CRIP3: variants seen among roughly 807,000 people sequenced by gnomAD.
CRIP3 encodes cysteine-rich protein 3.
CRIP3 carries 23 observed loss-of-function variants against 30.3 expected under a neutral mutation model. That is an observed-to-expected ratio of 0.76 (90% confidence interval 0.55 to 1.08). The LOEUF is 1.08. Among genes scored for constraint, CRIP3 ranks in the 50% least tolerant of loss-of-function variants. CRIP3 has a pLI of 0.00. For synonymous variants in CRIP3, 89 were observed against 97.6 expected (o/e 0.91, Z 0.52); for missense variants, 261 against 259.3 (o/e 1.01, Z -0.04).
Position 43,307,841 on chromosome 6 carries a change from CT to C in CRIP3, c.193del (p.Arg65GlyfsTer3), listed in dbSNP as rs767108396. 1.9e-5 allele frequency: 31 copies of C among 1,613,962 alleles called. 1 individual carries two copies. In the East Asian group the frequency reaches 6.9e-4, roughly 36 times the overall value. Reference sequence around the variant, plus strand: ...GGCCCCTTAAGGCTGGTACTTACCCCTGGGTCCAAAGAGAGCCCCATAGCAT... The same window carrying C: ...GGCCCCTTAAGGCTGGTACTTACCCCGGGTCCAAAGAGAGCCCCATAGCAT... ...KPCYGALFGP[R>X]GVNIGGVGSY... On this transcript the variant is annotated frameshift_variant, in exon 3 of 8. Transcript: ENST00000372569. LOFTEE classifies it high-confidence loss of function.
intron 4 of CRIP3, chr6:43,306,759 G>T: frequency 2.1e-6 from 1 of 485,416 alleles, no homozygotes; most frequent in Non-Finnish European, 3.6e-6. Context: ...TCCTCCCAGG[G>T]GCTCACGTAC....
intron 1 of CRIP3, 154 bp from the exon 2 acceptor site, chr6:43,308,563 C>T: frequency 1.1e-6 from 1 of 914,956 alleles, no homozygotes; most frequent in Non-Finnish European, 1.7e-6. Flanking sequence ...GCTCCGGTTT[C>T]ACACTCCCCA....
chr6:43,305,827 A>T lies in CRIP3; in HGVS notation c.602T>A (p.Ile201Lys). Residue 201 changes from isoleucine (I) to lysine (K), a missense_variant, in exon 8 of 8, where the codon ATA becomes AAA. Coordinates refer to ENST00000372569, the MANE Select transcript of CRIP3 (RefSeq NM_206922.3). ...VGCYIYDPVK[I>K]KFK ...TTTGTGAGCGTCTCATTTGAATTTT[A>T]TCTTCACTGGGTCATAGATGTAGCA... 1 of 1,614,038 alleles carries T rather than the reference A, an allele frequency of 6.2e-7. No individual in the cohort carries two copies. The highest frequency in any genetic ancestry group is 1.1e-5 in the South Asian group (1 of 91,080).
Position 43,307,831 on chromosome 6 carries a change from GTA to G in CRIP3, c.196+6_196+7del, listed in dbSNP as rs765636137. The G allele has an allele frequency of 3.4e-5, 55 of 1,613,926 alleles. No homozygotes were observed. The highest frequency in any genetic ancestry group is 4.2e-5 in the Non-Finnish European group (50 of 1,180,006). ...GCTGACCCATGGCCCCTTAAGGCTG[GTA>G]CTTACCCCTGGGTCCAAAGAGAGCC... is the stretch of plus-strand genomic sequence containing the variant. On this transcript the variant is annotated splice_donor_region_variant and intron_variant, in intron 3 of 7. Coordinates refer to ENST00000372569, the MANE Select transcript of CRIP3 (RefSeq NM_206922.3).
In CRIP3 at chr6:43,306,323, G is replaced by A. The variant is rs1388083102; in HGVS notation, c.401-10C>T. The A allele has an allele frequency of 6.2e-7, 1 of 1,613,838 alleles. No homozygotes were observed. The highest frequency in any genetic ancestry group is 8.5e-7 in the Non-Finnish European group (1 of 1,179,792). ...GACATCACCTTCTCAGCTGGTGGTG[G>A]AAAGAAGTGGTAATGCTTCCATTCT... On this transcript the variant is annotated splice_polypyrimidine_tract_variant and intron_variant, in intron 5 of 7. Transcript: ENST00000372569.
At chr6:43,306,007 G>C in intron 7 of CRIP3, 60 bp downstream of exon 7, 1 of 1,605,636 alleles carries the variant, frequency 6.2e-7, no homozygotes, top group Non-Finnish European at 8.5e-7. Flanking sequence ...CACAGACCAT[G>C]TACATGCCAT....
rs760104744 is a variant in CRIP3, at chr6:43,307,892, T to C, written c.143A>G (p.Asn48Ser). 5.0e-6 allele frequency: 8 copies of C among 1,613,470 alleles called. No homozygotes were observed. The African/African-American group carries it at 8.0e-5, about 16-fold the overall frequency. ...TGGCTTGTGGCAGTATGGCCTCCCA[T>C]TGTGCTGGGCACAAGCAGAGGGAAG... ...ILSPGGHAEH[N>S]GRPYCHKPCY... The change falls in exon 3 of 8, where the codon AAT becomes AGT. Residue 48 changes from asparagine to serine, a missense_variant. Transcript: ENST00000372569.
Position 43,305,638 on chromosome 6 carries a change from G to T in CRIP3, c.*176C>A. The stretch of plus-strand genomic sequence containing the variant: ...TCCCTAACCAGATAGAAATGGGAAA[G>T]GGAAAAAATTGGCAGAGAAAGTCTA... On this transcript the variant is annotated 3_prime_UTR_variant, in exon 8 of 8. Coordinates refer to ENST00000372569, the MANE Select transcript of CRIP3 (RefSeq NM_206922.3). 1 of 773,558 alleles carries T rather than the reference G, an allele frequency of 1.3e-6. No individual in the cohort carries two copies. The highest frequency in any genetic ancestry group is 2.7e-5 in the East Asian group (1 of 37,686). 47.9% of individuals were successfully genotyped at this position (773,558 alleles called of 1,614,324 possible). A position where few individuals can be genotyped will look rare whatever the true frequency, so the allele number is the denominator to read the frequency against.
At chr6:43,306,690 C>T (rs780806211) in intron 4 of CRIP3, 173 bp from the exon 5 acceptor site, 9 of 604,210 alleles carry the variant, frequency 1.5e-5, no homozygotes, top group Non-Finnish European at 2.1e-5. Context: ...GACTCCACCT[C>T]CTGCCCCATC....
chr6:43,306,056 G>T lies in CRIP3; in HGVS notation c.553+11C>A. ...ACATGCCATCCCAGTGTCTGGGATGGGGCTGCCCACCTTTGGGGCCAAACA... is the reference window on the plus strand; with the variant it reads ...ACATGCCATCCCAGTGTCTGGGATGTGGCTGCCCACCTTTGGGGCCAAACA... On this transcript the variant is annotated intron_variant, in intron 7 of 7. Transcript: ENST00000372569. 1 of 1,612,194 alleles carries T rather than the reference G, an allele frequency of 6.2e-7. No individual in the cohort carries two copies. Among genetic ancestry groups the T allele is most frequent in the Non-Finnish European group, 8.5e-7 (1 of 1,179,102 alleles).
chr6:43,306,141 A>G lies in CRIP3; in HGVS notation c.496-17T>C. 1 of 1,614,008 alleles carries G rather than the reference A, an allele frequency of 6.2e-7. No homozygotes were observed. The highest frequency in any genetic ancestry group is 8.5e-7 in the Non-Finnish European group (1 of 1,179,992). On this transcript the variant is annotated splice_polypyrimidine_tract_variant and intron_variant, in intron 6 of 7. Coordinates refer to ENST00000372569, the MANE Select transcript of CRIP3 (RefSeq NM_206922.3). ...TCCATCATGCTGAGACACAGAGAGAAAGAGAGCTGTCTCAGCCTGGTTCTC... is the reference window on the plus strand; with the variant it reads ...TCCATCATGCTGAGACACAGAGAGAGAGAGAGCTGTCTCAGCCTGGTTCTC...
chr6:43,306,003 CCATGTACATGCCATACTTCAGG>C (rs756050567), intron 7 of CRIP3, 42 bp downstream of exon 7: 61 of 1,605,386 alleles, frequency 3.8e-5, no homozygotes, highest in South Asian at 3.3e-4. Flanking sequence ...TACCCACAGA[CCATGTACATGCCATACTTCAGG>C]CATGTACATG....
intron 2 of CRIP3, 49 bp from the exon 3 acceptor site, chr6:43,307,945 T>C: frequency 1.2e-6 from 2 of 1,601,098 alleles, no homozygotes; most frequent in Non-Finnish European, 1.7e-6. Context: ...GCGGGAGCCA[T>C]GCCCCACAGG....
chr6:43,306,844 T>C (rs1052304872), intron 4 of CRIP3: 2 of 269,108 alleles, frequency 7.4e-6, no homozygotes, highest in Non-Finnish European at 1.4e-5. Context: ...ACAGCACGGG[T>C]GTCAGGTGTT....
In CRIP3 at chr6:43,306,538, T is replaced by G. The variant is rs377339199; in HGVS notation, c.329-21A>C. 1.9e-6 allele frequency: 3 copies of G among 1,575,426 alleles called. No individual in the cohort carries two copies. In the African/African-American group the frequency reaches 4.1e-5, roughly 21 times the overall value. On this transcript the variant is annotated intron_variant, in intron 4 of 7. Coordinates refer to ENST00000372569, the MANE Select transcript of CRIP3 (RefSeq NM_206922.3). ...AGGGCCTTTAAAGGGGAAGAGGCCC[T>G]GGCTATGTCTGAGGTGGAGATGCCC...
At position 43,305,671 on chromosome 6, in the gene CRIP3, TG is replaced by T; in HGVS notation, c.*142del. On this transcript the variant is annotated 3_prime_UTR_variant, in exon 8 of 8. Coordinates refer to ENST00000372569, the MANE Select transcript of CRIP3 (RefSeq NM_206922.3). ...ATTGGCAGAGAAAGTCTAGACTCTC[TG>T]GCCTACCATGGAGCCTAGGCCCAGG... The T allele has an allele frequency of 9.8e-7, 1 of 1,024,632 alleles. No individual in the cohort carries two copies. Among genetic ancestry groups the T allele is most frequent in the Non-Finnish European group, 1.5e-6 (1 of 671,414 alleles). 63.5% of individuals were successfully genotyped at this position (1,024,632 alleles called of 1,614,324 possible).
intron 4 of CRIP3, chr6:43,307,161 A>C (rs1170598960): frequency 1.4e-4 from 13 of 95,290 alleles, no homozygotes; most frequent in African/African-American, 5.4e-4. Flanking sequence ...TTTTTTTGAG[A>C]TGGAGTCTCG....
chr6:43,307,834 C>T lies in CRIP3; in HGVS notation c.196+5G>A, dbSNP rs1407790531. The T allele has an allele frequency of 2.5e-6, 4 of 1,613,940 alleles. No individual in the cohort carries two copies. The highest frequency in any genetic ancestry group is 2.7e-5 in the African/African-American group (2 of 74,948). On this transcript the variant is annotated splice_donor_5th_base_variant and intron_variant, in intron 3 of 7. Transcript: ENST00000372569. ...GACCCATGGCCCCTTAAGGCTGGTA[C>T]TTACCCCTGGGTCCAAAGAGAGCCC...
rs1778991803 is a variant in CRIP3, at chr6:43,308,386, T to C, written c.67A>G (p.Lys23Glu). The change falls in exon 2 of 8, where the codon AAG becomes GAG. Residue 23 changes from lysine (K) to glutamate (E), a missense_variant. By Grantham distance (56) the Lys-to-Glu change is moderately conservative. Transcript: ENST00000372569. ...FFAEKVSSLG[K>E]NWHRFCLKCE... ...TTCAGGCAGAAGCGGTGCCAGTTCTTGCCCAGGGAGCTCACCTTCTCAGCT... is the reference window on the plus strand; with the variant it reads ...TTCAGGCAGAAGCGGTGCCAGTTCTCGCCCAGGGAGCTCACCTTCTCAGCT... The C allele has an allele frequency of 6.2e-7, 1 of 1,612,850 alleles. No homozygotes were observed. Among genetic ancestry groups the C allele is most frequent in the African/African-American group, 1.3e-5 (1 of 74,614 alleles).
Sources: allele counts gnomAD v4.1 joint callset, GRCh38; gene constraint gnomAD v4.1.1; transcripts MANE v1.5; gene names NCBI Gene and HGNC (gene_info 2026-07-23, HGNC 2026-07-21).